The following TFIP11 variants were observed in gnomAD, a reference collection of about 807,000 sequenced individuals.
TFIP11 encodes the protein tuftelin-interacting protein 11.
TFIP11 carries 86 observed loss-of-function variants against 96.8 expected under a neutral mutation model. That is an observed-to-expected ratio of 0.89 (90% CI 0.75 to 1.06). The LOEUF (loss-of-function observed/expected upper bound fraction) is 1.06, where lower values mean the gene tolerates loss of function less well. TFIP11 is among the 50% of genes least tolerant of loss of function. The probability of loss-of-function intolerance (pLI) is 0.00; values close to 1 mark genes in which losing one functional copy is unlikely to be tolerated. For missense variants in TFIP11, 881 were observed against 1,076.7 expected (o/e 0.82, Z 2.54); for synonymous variants, 405 against 395.2 (o/e 1.02, Z -0.29).
intron 4 of TFIP11, 47 bp downstream of exon 4, chr22:26,510,017 C>A (rs1196618715): frequency 1.9e-6 from 3 of 1,598,990 alleles, no homozygotes; most frequent in Non-Finnish European, 2.6e-6. Flanking sequence ...TCCATCTTCC[C>A]CCTCTTCCCT....
intron 10 of TFIP11, among the ~76,000 whole-genome samples, chr22:26,497,442 A>G (rs1922205378): frequency 1.3e-5 from 2 of 152,338 alleles, no homozygotes; most frequent in East Asian, 1.9e-4. Flanking sequence ...TACGCAACAG[A>G]CATTTGACAA....
At chr22:26,509,317 A>C (rs1015942800) in intron 4 of TFIP11, among the ~76,000 whole-genome samples, 1 of 152,124 alleles carries the variant, frequency 6.6e-6, no homozygotes, top group Non-Finnish European at 1.5e-5. Context: ...ACTGTCAGTC[A>C]TATCAGCTTA....
chr22:26,509,843 G>A (rs1330039735), intron 4 of TFIP11, among the ~76,000 whole-genome samples: 1 of 152,016 alleles, frequency 6.6e-6, no homozygotes, highest in African/African-American at 2.4e-5. Context: ...GCAACAAAGT[G>A]AAACCGTGTC....
At chr22:26,496,552 G>C (rs757318571) in intron 11 of TFIP11, among the ~76,000 whole-genome samples, 169 bp downstream of exon 11, 4 of 152,102 alleles carry the variant, frequency 2.6e-5, no homozygotes, top group Non-Finnish European at 5.9e-5. Flanking sequence ...GGGTGGCTTG[G>C]GGGAAAAAGT....
At chr22:26,504,344 A>G (rs1365235160) in intron 6 of TFIP11, among the ~76,000 whole-genome samples, 2 of 152,186 alleles carry the variant, frequency 1.3e-5, no homozygotes, top group African/African-American at 2.4e-5. Flanking sequence ...CATTTCAATG[A>G]AGACGTTCCC....
intron 4 of TFIP11, among the ~76,000 whole-genome samples, chr22:26,507,561 T>C (rs888894140): frequency 1.3e-5 from 2 of 150,980 alleles, no homozygotes; most frequent in Non-Finnish European, 2.9e-5. Context: ...GCCCAGGAAG[T>C]TGAAGCTGCG....
chr22:26,507,136 C>T (rs1458191902), intron 4 of TFIP11, among the ~76,000 whole-genome samples: 14 of 152,192 alleles, frequency 9.2e-5, no homozygotes, highest in Admixed American at 7.8e-4. Flanking sequence ...TTTTACCTGA[C>T]ATATCCCTCT....
At chr22:26,507,028 G>C (rs1923506180) in intron 4 of TFIP11, 100 bp from the exon 5 acceptor site, 1 of 1,354,812 alleles carries the variant, frequency 7.4e-7, no homozygotes, top group South Asian at 1.4e-5. Context: ...TCCTTAGAGT[G>C]AATCTCATGG....
At position 26,491,707 on chromosome 22, in the gene TFIP11, G is replaced by C; in HGVS notation, c.*306C>G. 6.4e-7 allele frequency: 1 copy of C among 1,574,084 alleles called. No individual in the cohort carries two copies. Among genetic ancestry groups the C allele is most frequent in the Non-Finnish European group, 8.7e-7 (1 of 1,155,460 alleles). ...GAGGTACTCAGTGTTGGCTGAGGTA[G>C]AAGCTGCCACCAGAGACTAAAGGGA... On this transcript the variant is annotated 3_prime_UTR_variant, in exon 15 of 15. Transcript: ENST00000407690.
At position 26,506,923 on chromosome 22, in the gene TFIP11, C is replaced by G. The variant is rs762114447; in HGVS notation, c.215G>C (p.Arg72Pro). The part of the protein sequence containing the change: ...ERPSFGGKRA[R>P]DYSAPVNFIS... ...GAAGTTGACTGGCGCAGAGTAGTCA[C>G]GGGCCCTGTAGGCACAGAAACAAAG... The change falls in exon 5 of 15, where the codon CGT (arginine) becomes CCT (proline). Residue 72 changes from arginine to proline, a missense_variant. Coordinates refer to ENST00000407690, the MANE Select transcript of TFIP11 (RefSeq NM_012143.4). 1 of 1,613,930 alleles carries G rather than the reference C, an allele frequency of 6.2e-7. No homozygotes were observed. Among genetic ancestry groups the G allele is most frequent in the African/African-American group, 1.3e-5 (1 of 74,928 alleles).
At chr22:26,508,507 G>A (rs936005060) in intron 4 of TFIP11, among the ~76,000 whole-genome samples, 6 of 152,190 alleles carry the variant, frequency 3.9e-5, no homozygotes, top group Non-Finnish European at 8.8e-5. Flanking sequence ...CTTCCTTGTG[G>A]ATGAGAAGTT....
chr22:26,503,469 C>T (rs1369398748), intron 7 of TFIP11, among the ~76,000 whole-genome samples, 197 bp downstream of exon 7: 1 of 152,256 alleles, frequency 6.6e-6, no homozygotes, highest in Non-Finnish European at 1.5e-5. Flanking sequence ...TCAACTGCCA[C>T]TTCCACACCA....
At chr22:26,493,422 C>T (rs186259475) in intron 14 of TFIP11, 2 of 152,382 alleles carry the variant, frequency 1.3e-5, no homozygotes, top group African/African-American at 4.8e-5. Context: ...GGCTCTCAGC[C>T]TCGCTGGGCT....
At chr22:26,502,223 T>C in intron 7 of TFIP11, 171 bp from the exon 8 acceptor site, 1 of 731,726 alleles carries the variant, frequency 1.4e-6, no homozygotes, top group Non-Finnish European at 2.2e-6. Flanking sequence ...TATCTAATGA[T>C]ACTCCTTGAC....
At chr22:26,500,689 A>T (rs1199700290) in intron 8 of TFIP11, among the ~76,000 whole-genome samples, 1 of 151,156 alleles carries the variant, frequency 6.6e-6, no homozygotes, top group Non-Finnish European at 1.5e-5. Flanking sequence ...CCTGAGGTTC[A>T]GTCTAGACTC....
Position 26,494,185 on chromosome 22 carries a change from A to C in TFIP11, c.2112T>G (p.Phe704Leu). 1 of 1,614,230 alleles carries C rather than the reference A, an allele frequency of 6.2e-7. No homozygotes were observed. The highest frequency in any genetic ancestry group is 8.5e-7 in the Non-Finnish European group (1 of 1,180,036). Reference sequence around the variant, plus strand: ...GGTTCATGATATCAAGTGCCTCATTAAATTTGTCCTTGACAGATGGATGTG... The same window carrying C: ...GGTTCATGATATCAAGTGCCTCATTCAATTTGTCCTTGACAGATGGATGTG... ...VLAHPSVKDK[F>L]NEALDIMNRA... Residue 704 changes from phenylalanine to leucine, a missense_variant, in exon 14 of 15, where the codon TTT (phenylalanine) becomes TTG (leucine). Transcript: ENST00000407690.
Position 26,506,375 on chromosome 22 carries a change from TTG to T in TFIP11, c.446_447del (p.Thr149LysfsTer28), listed in dbSNP as rs781297601. On this transcript the variant is annotated frameshift_variant, in exon 6 of 15. Coordinates refer to ENST00000407690, the MANE Select transcript of TFIP11 (RefSeq NM_012143.4). LOFTEE classifies it high-confidence loss of function. ...TGAAGAAGCTTCTGTCCAATTCCTT[TTG>T]TGTGTCTTTCCCAGCTGCCGAAGTC... Reference protein sequence around the residue: ...FMDFGSWERHTKGIGQKLLQK... With the variant: ...FMDFGSWERHXKGIGQKLLQK... 1 of 1,614,054 alleles carries T rather than the reference TTG, an allele frequency of 6.2e-7. No homozygotes were observed. Among genetic ancestry groups the T allele is most frequent in the Non-Finnish European group, 8.5e-7 (1 of 1,179,912 alleles).
intron 14 of TFIP11, chr22:26,493,516 A>C (rs78437722): frequency 0.014 from 2,201 of 153,090 alleles, 28 homozygotes; most frequent in Non-Finnish European, 0.02. Flanking sequence ...GACTGGTTGA[A>C]ATAGGCTCCC....
intron 11 of TFIP11, 74 bp downstream of exon 11, chr22:26,496,647 A>C: frequency 3.9e-6 from 6 of 1,546,482 alleles, no homozygotes; most frequent in Non-Finnish European, 5.3e-6. Flanking sequence ...AACAGCACTG[A>C]GATAATGAAG....
Sources: allele counts gnomAD v4.1 joint callset (sites outside exome capture counted in the v4.1 genomes callset), GRCh38; gene constraint gnomAD v4.1.1; transcripts MANE v1.5; gene names NCBI Gene and HGNC (gene_info 2026-07-23, HGNC 2026-07-21).